ADAMTS4: variants seen among roughly 807,000 people sequenced by gnomAD.
ADAMTS4 encodes the protein ADAM metallopeptidase with thrombospondin type 1 motif 4, also known as A disintegrin and metalloproteinase with thrombospondin motifs 4.
A neutral mutation model predicts 66.7 loss-of-function variants in ADAMTS4; 38 were observed. The observed-to-expected ratio is 0.57, with a 90% CI of 0.44 to 0.75. The LOEUF is 0.75. Among genes scored for constraint, ADAMTS4 ranks in the 30% least tolerant of loss-of-function variants. ADAMTS4 has a pLI of 0.00. For missense variants in ADAMTS4, 1,014 were observed against 1,116.7 expected (o/e 0.91, Z 1.31); for synonymous variants, 418 against 461.5 (o/e 0.91, Z 1.21).
chr1:161,191,876 C>T (rs1328411354), intron 8 of ADAMTS4, among the ~76,000 whole-genome samples, 189 bp downstream of exon 8: 1 of 152,186 alleles, frequency 6.6e-6, no homozygotes, highest in African/African-American at 2.4e-5. Context: ...CTGATGCCCA[C>T]AAGGGCACTC....
Position 161,185,417 on chromosome 1 carries a change from GT to G in ADAMTS4, c.*5720del, listed in dbSNP as rs1664525483. On this transcript the variant is annotated 3_prime_UTR_variant, in exon 9 of 9. Coordinates refer to ENST00000367996, the MANE Select transcript of ADAMTS4 (RefSeq NM_005099.6). ...CCCATGTAAGATCCTGCCTGGGGAA[GT>G]TGTTCAGTGTTGTTGCTCCCCCGCC... is the stretch of plus-strand genomic sequence containing the variant. The G allele has an allele frequency of 1.3e-5, 2 of 152,060 alleles. No homozygotes were observed. Among genetic ancestry groups the G allele is most frequent in the Non-Finnish European group, 2.9e-5 (2 of 68,020 alleles). The allele number at this position is 152,060 out of a possible 1,614,324, so 9.4% of individuals were successfully genotyped here.
chr1:161,196,182 G>A lies in ADAMTS4; in HGVS notation c.1079C>T (p.Ala360Val). Reference sequence around the variant, plus strand: ...CACCCCTACTTTACCCAGTTCATGAGCAGCAGTGAAGGCTGACTGGAGCCC... The same window carrying A: ...CACCCCTACTTTACCCAGTTCATGAACAGCAGTGAAGGCTGACTGGAGCCC... ...DDGLQSAFTA[A>V]HELGHVFNML... Residue 360 changes from alanine to valine, a missense_variant, in exon 3 of 9, where the codon GCT becomes GTT. By Grantham distance (64) the Ala-to-Val change is moderately conservative (BLOSUM62 0). Transcript: ENST00000367996. 6.2e-7 allele frequency: 1 copy of A among 1,604,556 alleles called. No individual in the cohort carries two copies. The highest frequency in any genetic ancestry group is 8.5e-7 in the Non-Finnish European group (1 of 1,175,674).
At position 161,193,790 on chromosome 1, in the gene ADAMTS4, A is replaced by G; in HGVS notation, c.1585T>C (p.Trp529Arg). ...CCACAGGTCCGAGAGCAGTCACCCC[A>G]TGGTCCCCAAGGACCCCAGCCACCA... ...QAGGWGPWGP[W>R]GDCSRTCGGG... Residue 529 changes from tryptophan (W) to arginine (R), a missense_variant, in exon 6 of 9, where the codon TGG becomes CGG. Physicochemically the swap from Trp to Arg is moderately radical, Grantham distance 101. Transcript: ENST00000367996. The surrounding 1 kb of genome is among the most constrained non-coding windows in gnomAD (Gnocchi z 4.4). 2 of 1,612,220 alleles carry G rather than the reference A, an allele frequency of 1.2e-6. No homozygotes were observed. The highest frequency in any genetic ancestry group is 1.1e-5 in the South Asian group (1 of 90,792).
chr1:161,187,235 C>A lies in ADAMTS4; in HGVS notation c.*3903G>T, dbSNP rs775974823. On this transcript the variant is annotated 3_prime_UTR_variant, in exon 9 of 9. Coordinates refer to ENST00000367996, the MANE Select transcript of ADAMTS4 (RefSeq NM_005099.6). ...CCCCTGCCCAGAATGCAGTGTGAAC[C>A]CCTTTAGGACAGTCGTATATATTGT... is the stretch of plus-strand genomic sequence containing the variant. 1 of 152,098 alleles carries A rather than the reference C, an allele frequency of 6.6e-6. No individual in the cohort carries two copies. Among genetic ancestry groups the A allele is most frequent in the Non-Finnish European group, 1.5e-5 (1 of 68,028 alleles). The allele number at this position is 152,098 out of a possible 1,614,324, so 9.4% of individuals were successfully genotyped here. A position where few individuals can be genotyped will look rare whatever the true frequency, so the allele number is the denominator to read the frequency against.
In ADAMTS4 at chr1:161,194,347, G is replaced by C; in HGVS notation, c.1262-126C>G. 1.3e-6 allele frequency: 1 copy of C among 765,990 alleles called. No homozygotes were observed. The highest frequency in any genetic ancestry group is 2.5e-5 in the South Asian group (1 of 40,006). The allele number at this position is 765,990 out of a possible 1,614,324, so 47.4% of individuals were successfully genotyped here. ...AAAAACAATCCTAGGACTATAAGAG[G>C]ATTTAAATTTTTGTTATTTATAATT... On this transcript the variant is annotated intron_variant, in intron 4 of 8. Transcript: ENST00000367996. This position sits in a 1 kb window ranked among gnomAD's most constrained non-coding sequence, Gnocchi z 4.1.
chr1:161,198,190 C>T lies in ADAMTS4; in HGVS notation c.438G>A (p.Gly146=), dbSNP rs1439815359. 1 of 1,614,100 alleles carries T rather than the reference C, an allele frequency of 6.2e-7. No homozygotes were observed. ...ATTGTAACACGCCTAACAGGGCTCC[C>T]CCATCCCAGTGCAGAGATGCCACCG... ...PESVASLHWD[G]GALLGVLQYR... is the part of the protein sequence containing the mutation. The change falls in exon 1 of 9, where the codon GGG becomes GGA. Residue 146 remains glycine, a synonymous_variant. Transcript: ENST00000367996. This position sits in a 1 kb window ranked among gnomAD's most constrained non-coding sequence, Gnocchi z 4.7.
chr1:161,193,472 C>G lies in ADAMTS4; in HGVS notation c.1736-84G>C. 1 of 1,546,840 alleles carries G rather than the reference C, an allele frequency of 6.5e-7. No individual in the cohort carries two copies. Among genetic ancestry groups the G allele is most frequent in the Non-Finnish European group, 8.8e-7 (1 of 1,141,598 alleles). ...CCACCCAACCCCTGAGAACTCTAGA[C>G]AGCACAGCTCTGCTCTTCCCTGCAG... On this transcript the variant is annotated intron_variant, in intron 6 of 8. Transcript: ENST00000367996. The surrounding 1 kb of genome is among the most constrained non-coding windows in gnomAD (Gnocchi z 4.4).
In ADAMTS4 at chr1:161,193,421, C is replaced by T. The variant is rs759454664; in HGVS notation, c.1736-33G>A. ...GGTAAAACAGTCAGAGCCCCTCCTT[C>T]CTTCCTCACATCACCCCACATCCCT... On this transcript the variant is annotated intron_variant, in intron 6 of 8. Transcript: ENST00000367996. The surrounding 1 kb of genome is among the most constrained non-coding windows in gnomAD (Gnocchi z 4.4). 49 of 1,603,278 alleles carry T rather than the reference C, an allele frequency of 3.1e-5. 2 individuals carry two copies. In the South Asian group the frequency reaches 5.3e-4, roughly 17 times the overall value.
At position 161,191,257 on chromosome 1, in the gene ADAMTS4, T is replaced by G. The variant is rs112325225; in HGVS notation, c.2395A>C (p.Ser799Arg). Residue 799 changes from serine (S) to arginine (R), a missense_variant, in exon 9 of 9, where the codon AGC (serine) becomes CGC (arginine). Coordinates refer to ENST00000367996, the MANE Select transcript of ADAMTS4 (RefSeq NM_005099.6). ...GNPQDTRLRY[S>R]FFVPRPTPST... ...GGGGTCGGCCGGGGCACGAAGAAGCTGTATCGGAGGCGTGTGTCCTGGGGG... is the reference window on the plus strand; with the variant it reads ...GGGGTCGGCCGGGGCACGAAGAAGCGGTATCGGAGGCGTGTGTCCTGGGGG... The G allele has an allele frequency of 2.5e-6, 4 of 1,613,784 alleles. No individual in the cohort carries two copies. The Admixed American group carries it at 5.0e-5, about 20-fold the overall frequency.
rs988831097 is a variant in ADAMTS4 at position 161,193,798 on chromosome 1, C to T, written c.1577G>A (p.Trp526Ter). The change falls in exon 6 of 9, where the codon TGG becomes TAG. Residue 526 changes from tryptophan (W) to a stop codon, truncating the protein, a stop_gained. Coordinates refer to ENST00000367996, the MANE Select transcript of ADAMTS4 (RefSeq NM_005099.6). LOFTEE classifies it high-confidence loss of function. The surrounding 1 kb of genome is among the most constrained non-coding windows in gnomAD (Gnocchi z 4.4). ...CCGAGAGCAGTCACCCCATGGTCCCCAAGGACCCCAGCCACCAGCCTGTGG... is the reference window on the plus strand; with the variant it reads ...CCGAGAGCAGTCACCCCATGGTCCCTAAGGACCCCAGCCACCAGCCTGTGG... ...NIPQAGGWGP[W>*]GPWGDCSRTC... is the part of the protein sequence containing the mutation. The T allele has an allele frequency of 1.2e-6, 2 of 1,609,960 alleles. No homozygotes were observed. The highest frequency in any genetic ancestry group is 1.7e-6 in the Non-Finnish European group (2 of 1,177,906).
Position 161,196,576 on chromosome 1 carries a change from G to C in ADAMTS4, c.938C>G (p.Ala313Gly), listed in dbSNP as rs972154060. 5.0e-6 allele frequency: 8 copies of C among 1,614,074 alleles called. No individual in the cohort carries two copies. The Admixed American group carries it at 6.7e-5, about 13-fold the overall frequency. The change falls in exon 2 of 9, where the codon GCC becomes GGC. Residue 313 changes from alanine (A) to glycine (G), a missense_variant. Ala to Gly is a moderately conservative substitution (Grantham distance 60). Coordinates refer to ENST00000367996, the MANE Select transcript of ADAMTS4 (RefSeq NM_005099.6). ...EDSDPDHFDT[A>G]ILFTRQDLCG... ...CCTCACCTGACGGGTAAACAGAATG[G>C]CTGTGTCAAAGTGGTCAGGGTCCGA...
chr1:161,195,645 C>G lies in ADAMTS4; in HGVS notation c.1091-10G>C. 1 of 1,606,618 alleles carries G rather than the reference C, an allele frequency of 6.2e-7. No homozygotes were observed. The highest frequency in any genetic ancestry group is 1.1e-5 in the South Asian group (1 of 89,806). ...ATGTTGAAGACATGACCTGTGGGAG[C>G]AAAGGCCCTGATAGGATCTGAGGGT... On this transcript the variant is annotated splice_polypyrimidine_tract_variant and intron_variant, in intron 3 of 8. Coordinates refer to ENST00000367996, the MANE Select transcript of ADAMTS4 (RefSeq NM_005099.6).
rs772252572 is a variant in ADAMTS4, at chr1:161,198,142, G to A, written c.486C>T (p.Leu162=). 6.2e-7 allele frequency: 1 copy of A among 1,614,062 alleles called. No homozygotes were observed. Among genetic ancestry groups the A allele is most frequent in the Non-Finnish European group, 8.5e-7 (1 of 1,179,976 alleles). ...VLQYRGAELH[L]QPLEGGTPNS... is the part of the protein sequence containing the mutation. ...TAGGGGTGCCTCCCTCCAGGGGCTG[G>A]AGGTGGAGTTCAGCCCCCCGATATT... The change falls in exon 1 of 9, where the codon CTC becomes CTT. Residue 162 remains leucine (L), a synonymous_variant. Coordinates refer to ENST00000367996, the MANE Select transcript of ADAMTS4 (RefSeq NM_005099.6). The surrounding 1 kb of genome is among the most constrained non-coding windows in gnomAD (Gnocchi z 4.7).
chr1:161,198,222 G>A lies in ADAMTS4; in HGVS notation c.406C>T (p.Pro136Ser). The change falls in exon 1 of 9, where the codon CCG (proline) becomes TCG (serine). Residue 136 changes from proline to serine, a missense_variant. By Grantham distance (74) the Pro-to-Ser change is moderately conservative. Coordinates refer to ENST00000367996, the MANE Select transcript of ADAMTS4 (RefSeq NM_005099.6). This position sits in a 1 kb window ranked among gnomAD's most constrained non-coding sequence, Gnocchi z 4.7. ...CAGTGCAGAGATGCCACCGACTCCG[G>A]ATCTCCATTGATGGTGCCAGTCAGG... The part of the protein sequence containing the change: ...TYLTGTINGD[P>S]ESVASLHWDG... The A allele has an allele frequency of 1.9e-6, 3 of 1,614,118 alleles. No individual in the cohort carries two copies. The highest frequency in any genetic ancestry group is 2.5e-6 in the Non-Finnish European group (3 of 1,180,000).
At position 161,190,993 on chromosome 1, in the gene ADAMTS4, G is replaced by T. The variant is rs568647916; in HGVS notation, c.*145C>A. 2 of 939,640 alleles carry T rather than the reference G, an allele frequency of 2.1e-6. No homozygotes were observed. Among genetic ancestry groups the T allele is most frequent in the Non-Finnish European group, 3.1e-6 (2 of 653,166 alleles). 58.2% of individuals were successfully genotyped at this position (939,640 alleles called of 1,614,324 possible). A position where few individuals can be genotyped will look rare whatever the true frequency, so the allele number is the denominator to read the frequency against. ...GGAAACCAGGGCAGGGCCAGCCTGC[G>T]CATTAGGGCAGAGAGGAGGGGCAGG... On this transcript the variant is annotated 3_prime_UTR_variant, in exon 9 of 9. Coordinates refer to ENST00000367996, the MANE Select transcript of ADAMTS4 (RefSeq NM_005099.6).
Position 161,191,432 on chromosome 1 carries a change from A to G in ADAMTS4, c.2220T>C (p.Gly740=), listed in dbSNP as rs1241870655. Residue 740 remains glycine, a synonymous_variant, in exon 9 of 9, where the codon GGT becomes GGC. Transcript: ENST00000367996. ...TGGGGGAGGGCATCAGCGTGTATTC[A>G]CCATTGAGGGCATAGGAGCCATCTG... ...KLPDGSYALN[G]EYTLMPSPTD... 1 of 1,613,988 alleles carries G rather than the reference A, an allele frequency of 6.2e-7. No individual in the cohort carries two copies. Among genetic ancestry groups the G allele is most frequent in the Non-Finnish European group, 8.5e-7 (1 of 1,180,008 alleles).
chr1:161,194,077 G>T lies in ADAMTS4; in HGVS notation c.1406C>A (p.Ala469Asp), dbSNP rs1246430730. 6.2e-7 allele frequency: 1 copy of T among 1,614,234 alleles called. No individual in the cohort carries two copies. Among genetic ancestry groups the T allele is most frequent in the Non-Finnish European group, 8.5e-7 (1 of 1,180,040 alleles). ...ATTGAGGTGGCCAGAGCACCAGAGG[G>T]CAGCACAGGGCGGCGGCAGCTGTGG... is the stretch of plus-strand genomic sequence containing the variant. ...HCPQLPPPCAALWCSGHLNGH... is the reference protein window; with the variant it reads ...HCPQLPPPCADLWCSGHLNGH... The change falls in exon 5 of 9, where the codon GCC becomes GAC. Residue 469 changes from alanine to aspartate, a missense_variant. Coordinates refer to ENST00000367996, the MANE Select transcript of ADAMTS4 (RefSeq NM_005099.6). The surrounding 1 kb of genome is among the most constrained non-coding windows in gnomAD (Gnocchi z 4.1).
chr1:161,196,748 G>T lies in ADAMTS4; in HGVS notation c.766C>A (p.Pro256Thr), dbSNP rs1664857851. Residue 256 changes from proline to threonine, a missense_variant, in exon 2 of 9, where the codon CCA becomes ACA. Coordinates refer to ENST00000367996, the MANE Select transcript of ADAMTS4 (RefSeq NM_005099.6). ...MAAAAKAFKH[P>T]SIRNPVSLVV... ...AAGCTGACAGGATTGCGGATGCTTG[G>T]GTGCTTGAAGGCCTTGGCTGCTGCT... The T allele has an allele frequency of 6.2e-7, 1 of 1,613,360 alleles. No homozygotes were observed. Among genetic ancestry groups the T allele is most frequent in the South Asian group, 1.1e-5 (1 of 91,088 alleles).
intron 7 of ADAMTS4, 118 bp from the exon 8 acceptor site, chr1:161,192,358 T>C: frequency 1.1e-6 from 1 of 904,918 alleles, no homozygotes; most frequent in Non-Finnish European, 1.7e-6. Flanking sequence ...TTGGATGAAG[T>C]AGGGGATGTA....
Sources: allele counts gnomAD v4.1 joint callset (sites outside exome capture counted in the v4.1 genomes callset), GRCh38; gene constraint gnomAD v4.1.1; non-coding constraint Gnocchi (gnomAD v3.1); transcripts MANE v1.5; gene names NCBI Gene and HGNC (gene_info 2026-07-23, HGNC 2026-07-21).